CDH2: variants seen among roughly 807,000 people sequenced by gnomAD.
CDH2 encodes cadherin-2.
Under a neutral mutation model 92.0 loss-of-function variants are expected in CDH2, and 17 were observed. The observed-to-expected ratio is 0.18, with a 90% CI of 0.13 to 0.28. CDH2 has a LOEUF of 0.28. CDH2 is among the 10% of genes least tolerant of loss of function. CDH2 has a pLI of 1.00. For synonymous variants in CDH2, 419 were observed against 415.9 expected, an observed-to-expected ratio of 1.01 and a Z score of -0.09; for missense variants, 862 against 1,133.1, an observed-to-expected ratio of 0.76 and a Z score of 3.44.
At chr18:27,946,085 C>A (rs897066063), downstream of CDH2, among the ~76,000 whole-genome samples, 2 of 152,082 alleles carry the variant, frequency 1.3e-5, no homozygotes, top group African/African-American at 2.4e-5. Flanking sequence ...GTAAAAGTTA[C>A]AATCCAAGTT....
intron 2 of CDH2, chr18:28,036,700 A>G: frequency 3.2e-6 from 2 of 630,034 alleles, no homozygotes; most frequent in Non-Finnish European, 2.8e-6. Context: ...TCAGCAAAAC[A>G]GAGATTGGGT....
At chr18:28,157,151 AGTGCCCGT>A (rs2144346308) in intron 1 of CDH2, among the ~76,000 whole-genome samples, 1 of 152,340 alleles carries the variant, frequency 6.6e-6, no homozygotes, top group African/African-American at 2.4e-5. Flanking sequence ...AAGTTCCAGA[AGTGCCCGT>A]GGCATTCCAG....
intron 1 of CDH2, among the ~76,000 whole-genome samples, chr18:28,155,049 T>C (rs1041047282): frequency 1.3e-5 from 2 of 152,202 alleles, no homozygotes; most frequent in Admixed American, 6.5e-5. Context: ...ACATTATTGT[T>C]TGGGAGATTA....
chr18:28,037,601 C>G (rs2013860920), intron 2 of CDH2, among the ~76,000 whole-genome samples: 2 of 152,028 alleles, frequency 1.3e-5, no homozygotes, highest in African/African-American at 4.8e-5. Context: ...TAACCCAGAG[C>G]AGAAGAAAGG....
chr18:27,979,415 G>A (rs2011965782), intron 14 of CDH2, among the ~76,000 whole-genome samples: 1 of 152,152 alleles, frequency 6.6e-6, no homozygotes, highest in Non-Finnish European at 1.5e-5. Context: ...TGATCACTTT[G>A]GAAAACGTAC....
intron 1 of CDH2, among the ~76,000 whole-genome samples, chr18:28,160,295 C>A (rs1473784575): frequency 1.3e-5 from 2 of 152,088 alleles, no homozygotes; most frequent in African/African-American, 4.8e-5. Flanking sequence ...TGGGTGAAAG[C>A]TGCCGCAATT....
chr18:27,949,298 T>A (rs998860427), downstream of CDH2, among the ~76,000 whole-genome samples: 1 of 152,010 alleles, frequency 6.6e-6, no homozygotes, highest in Admixed American at 6.6e-5. Flanking sequence ...ACATTTATTA[T>A]TTCAGCCATA....
At chr18:28,113,368 G>GTTACATATGGC (rs1372135194) in intron 2 of CDH2, among the ~76,000 whole-genome samples, 4 of 150,714 alleles carry the variant, frequency 2.7e-5, no homozygotes, top group African/African-American at 9.8e-5. Flanking sequence ...ATGATCAATA[G>GTTACATATGGC]TTACATATGG....
At chr18:28,031,359 ACATCTTAC>A (rs2013691086) in intron 2 of CDH2, among the ~76,000 whole-genome samples, 1 of 151,998 alleles carries the variant, frequency 6.6e-6, no homozygotes, top group Non-Finnish European at 1.5e-5. Flanking sequence ...TCCACAGCTA[ACATCTTAC>A]CATCAGTCAT....
At chr18:28,016,947 AT>A (rs1237638363) in intron 2 of CDH2, among the ~76,000 whole-genome samples, 1 of 152,130 alleles carries the variant, frequency 6.6e-6, no homozygotes, top group African/African-American at 2.4e-5. Context: ...ATGTTAAACC[AT>A]TCCTGCATTC....
chr18:28,156,441 T>C (rs34598401), intron 1 of CDH2, among the ~76,000 whole-genome samples: 4,552 of 26,322 alleles, frequency 0.17, 365 homozygotes, highest in African/African-American at 0.36. Context: ...TTCCCAGGTA[T>C]AGCATGTCAC....
At chr18:28,104,707 T>TCTATCTATCTAA (rs1332594283) in intron 2 of CDH2, among the ~76,000 whole-genome samples, 1 of 151,556 alleles carries the variant, frequency 6.6e-6, no homozygotes, top group Non-Finnish European at 1.5e-5. Flanking sequence ...TATCTATCTA[T>TCTATCTATCTAA]CTATCTATCT....
intron 14 of CDH2, among the ~76,000 whole-genome samples, chr18:27,967,513 A>C (rs2011559589): frequency 6.6e-6 from 1 of 152,208 alleles, no homozygotes; most frequent in Admixed American, 6.5e-5. Context: ...ATCCAAAAAG[A>C]CATCTTTATT....
At position 27,968,202 on chromosome 18, in the gene CDH2, G is replaced by A. The variant is rs2011576316; in HGVS notation, c.2350-4681C>T. ...TACAAACAAAAACCCTTCTAAGTGG[G>A]TGTTATTGTTCCCACTCTATTGATT... On this transcript the variant is annotated intron_variant, in intron 14 of 15. Coordinates refer to ENST00000269141, the MANE Select transcript of CDH2 (RefSeq NM_001792.5). 4.6e-5 allele frequency among the ~76,000 whole-genome samples: 7 copies of A among 152,164 alleles called. No individual in the cohort carries two copies. In the South Asian group the frequency reaches 1.4e-3, roughly 32 times the overall value.
intron 2 of CDH2, among the ~76,000 whole-genome samples, chr18:28,071,459 G>GT (rs2014616712): frequency 1.3e-5 from 2 of 152,126 alleles, no homozygotes; most frequent in Non-Finnish European, 1.5e-5. Context: ...CATTCTGTCC[G>GT]TAACTGTCAC....
At chr18:28,039,883 A>G (rs1034088652) in intron 2 of CDH2, among the ~76,000 whole-genome samples, 5 of 152,218 alleles carry the variant, frequency 3.3e-5, no homozygotes. Context: ...CTCAAGAAAA[A>G]GAGAGTATTA....
At position 28,177,066 on chromosome 18, in the gene CDH2, C is replaced by A. The variant is rs752832424; in HGVS notation, c.-44G>T. The A allele has an allele frequency of 6.0e-6, 8 of 1,338,566 alleles. No homozygotes were observed. In the South Asian group the frequency reaches 9.4e-5, roughly 16 times the overall value. 82.9% of individuals were successfully genotyped at this position (1,338,566 alleles called of 1,614,324 possible). ...AGCGAAGAGCCGGAGGAGGCGGCGG[C>A]GGCGGCGGCGGCGGCGGAGGAGGAG... On this transcript the variant is annotated 5_prime_UTR_variant, in exon 1 of 16. Transcript: ENST00000269141.
At chr18:28,005,601 A>AT (rs2144016930) in intron 6 of CDH2, among the ~76,000 whole-genome samples, 1 of 152,322 alleles carries the variant, frequency 6.6e-6, no homozygotes, top group African/African-American at 2.4e-5. Context: ...ACAGAATCAA[A>AT]TACTGTAGTG....
At chr18:28,037,055 C>T (rs376914152) in intron 2 of CDH2, among the ~76,000 whole-genome samples, 20 of 152,234 alleles carry the variant, frequency 1.3e-4, no homozygotes, top group African/African-American at 3.6e-4. Flanking sequence ...ATATGCTTTG[C>T]ATACTCAGTA....
Sources: allele counts gnomAD v4.1 joint callset (sites outside exome capture counted in the v4.1 genomes callset), GRCh38; gene constraint gnomAD v4.1.1; transcripts MANE v1.5; gene names NCBI Gene and HGNC (gene_info 2026-07-23, HGNC 2026-07-21).